The following NELL2 variants were observed in gnomAD, a reference collection of about 807,000 sequenced individuals.
NELL2 encodes the protein neural EGFL like 2.
A neutral mutation model predicts 109.6 loss-of-function variants in NELL2; 41 were observed. The observed-to-expected ratio is 0.37, with a 90% CI of 0.29 to 0.49. The LOEUF is 0.49. Ranked by LOEUF, NELL2 falls within the 20% of genes least tolerant of loss-of-function variation. The probability of loss-of-function intolerance (pLI) is 0.98; values close to 1 mark genes in which losing one functional copy is unlikely to be tolerated. For missense variants in NELL2, 900 were observed against 1,008.3 expected, an observed-to-expected ratio of 0.89 and a Z score of 1.45; for synonymous variants, 355 against 344.7, an observed-to-expected ratio of 1.03 and a Z score of -0.33.
chr12:44,735,842 C>T (rs1249730897), intron 9 of NELL2, among the ~76,000 whole-genome samples: 2 of 151,842 alleles, frequency 1.3e-5, no homozygotes, highest in Non-Finnish European at 2.9e-5. Context: ...AATAACTTAG[C>T]TTTTATGCAA....
chr12:44,622,229 A>G (rs1318862413), intron 13 of NELL2, among the ~76,000 whole-genome samples: 15 of 151,910 alleles, frequency 9.9e-5, no homozygotes, highest in Admixed American at 9.8e-4. Context: ...ATATTTAGAA[A>G]AGTATCTACA....
chr12:44,749,939 A>C (rs1486243677), intron 9 of NELL2, among the ~76,000 whole-genome samples: 1 of 152,102 alleles, frequency 6.6e-6, no homozygotes, highest in East Asian at 1.9e-4. Flanking sequence ...TATTACGAGC[A>C]GGAGAAGAAA....
upstream of NELL2, among the ~76,000 whole-genome samples, chr12:44,914,985 G>C (rs922089339): frequency 3.3e-5 from 5 of 151,832 alleles, no homozygotes; most frequent in African/African-American, 9.7e-5. Flanking sequence ...GAGTAGCTGG[G>C]ACTACAGGCA....
chr12:44,561,424 A>T lies in NELL2; in HGVS notation c.1664-28703T>A, dbSNP rs1032193945. Among the ~76,000 whole-genome samples, 102 of 152,160 alleles carry T rather than the reference A, an allele frequency of 6.7e-4. 2 individuals carry two copies. The highest frequency in any genetic ancestry group is 2.4e-4 in the Non-Finnish European group (16 of 68,030). On this transcript the variant is annotated intron_variant, in intron 15 of 19. Transcript: ENST00000429094. ...GCAGATGACATGATTTTATATTTTT[A>T]AAAACCCCATTGTCTCAGCCTCAAC... is the stretch of plus-strand genomic sequence containing the variant.
intron 9 of NELL2, among the ~76,000 whole-genome samples, chr12:44,771,661 T>G (rs1039094986): frequency 6.6e-6 from 1 of 152,230 alleles, no homozygotes; most frequent in African/African-American, 2.4e-5. Context: ...GGCAGGAAAT[T>G]AAGCCCCTCC....
At chr12:44,735,746 T>A (rs567480777) in intron 9 of NELL2, among the ~76,000 whole-genome samples, 1 of 152,280 alleles carries the variant, frequency 6.6e-6, no homozygotes. Context: ...TCCCTTGCTA[T>A]TATTTTTATC....
intron 3 of NELL2, among the ~76,000 whole-genome samples, chr12:44,806,796 G>A (rs1244468637): frequency 1.3e-5 from 2 of 151,790 alleles, no homozygotes; most frequent in African/African-American, 4.8e-5. Flanking sequence ...AATCATGTAT[G>A]TAAGTTTATT....
At chr12:44,846,528 C>A (rs1158951477) in intron 2 of NELL2, among the ~76,000 whole-genome samples, 2 of 152,208 alleles carry the variant, frequency 1.3e-5, no homozygotes, top group East Asian at 1.9e-4. Flanking sequence ...GTTGCTACTG[C>A]ACCCTATTGC....
intron 3 of NELL2, among the ~76,000 whole-genome samples, chr12:44,797,464 C>A (rs1197723298): frequency 6.6e-6 from 1 of 152,000 alleles, no homozygotes; most frequent in African/African-American, 2.4e-5. Context: ...CTACAAAGTC[C>A]ATTCATGGGC....
chr12:44,838,221 C>T (rs1010207298), intron 2 of NELL2, among the ~76,000 whole-genome samples: 1 of 151,964 alleles, frequency 6.6e-6, no homozygotes, highest in Non-Finnish European at 1.5e-5. Flanking sequence ...GTAATAAACC[C>T]CAATGAGAAA....
At chr12:44,805,612 GC>G (rs1942973877) in intron 3 of NELL2, among the ~76,000 whole-genome samples, 1 of 151,654 alleles carries the variant, frequency 6.6e-6, no homozygotes, top group South Asian at 2.1e-4. Context: ...TTTTTCTTAG[GC>G]AAGACTAAAG....
rs577240238 is a variant in NELL2, at chr12:44,815,900, G to C, written c.335+86C>G. The C allele has an allele frequency of 1.5e-4, 216 of 1,449,300 alleles. 1 individual carries two copies. In the African/African-American group the frequency reaches 2.8e-3, roughly 19 times the overall value. 89.8% of individuals were successfully genotyped at this position (1,449,300 alleles called of 1,614,324 possible). ...CCAAATCATAAAGAGATATACAAGA[G>C]AAGAAAGCTTTTGTTTACTTCTCTT... On this transcript the variant is annotated intron_variant, in intron 3 of 19. Coordinates refer to ENST00000429094, the MANE Select transcript of NELL2 (RefSeq NM_001145108.2).
intron 9 of NELL2, among the ~76,000 whole-genome samples, chr12:44,731,902 G>A (rs1013348565): frequency 2.6e-5 from 4 of 151,916 alleles, no homozygotes; most frequent in Admixed American, 6.6e-5. Context: ...ATCAACATAC[G>A]AAAATTGGTT....
chr12:44,808,479 GATAA>G (rs1943074772), intron 3 of NELL2, among the ~76,000 whole-genome samples: 1 of 151,880 alleles, frequency 6.6e-6, no homozygotes. Context: ...TTTTGTGAGA[GATAA>G]ATAATGATAT....
intron 3 of NELL2, among the ~76,000 whole-genome samples, chr12:44,803,681 T>G (rs1357603355): frequency 6.6e-6 from 1 of 152,018 alleles, no homozygotes; most frequent in African/African-American, 2.4e-5. Flanking sequence ...GGAGCATAAG[T>G]TGATATCCTT....
intron 1 of NELL2, among the ~76,000 whole-genome samples, chr12:44,895,161 C>G (rs971144618): frequency 6.6e-6 from 1 of 152,144 alleles, no homozygotes; most frequent in African/African-American, 2.4e-5. Flanking sequence ...CTCCTTCAGA[C>G]TTTCCTTTCA....
At chr12:44,813,345 G>T (rs982020961) in intron 3 of NELL2, among the ~76,000 whole-genome samples, 1 of 152,042 alleles carries the variant, frequency 6.6e-6, no homozygotes, top group African/African-American at 2.4e-5. Flanking sequence ...ATCATAGAAT[G>T]ATATACTATA....
intron 2 of NELL2, chr12:44,874,953 T>C (rs1332461593): frequency 3.2e-6 from 1 of 316,494 alleles, no homozygotes; most frequent in Non-Finnish European, 5.8e-6. Context: ...GATTCTAAAA[T>C]CAACCATCTG....
intron 12 of NELL2, among the ~76,000 whole-genome samples, chr12:44,697,082 A>G (rs1371327965): frequency 6.6e-6 from 1 of 152,218 alleles, no homozygotes; most frequent in Non-Finnish European, 1.5e-5. Flanking sequence ...AATAGTTGTA[A>G]ATAAGGGTTA....
Sources: allele counts gnomAD v4.1 joint callset (sites outside exome capture counted in the v4.1 genomes callset), GRCh38; gene constraint gnomAD v4.1.1; transcripts MANE v1.5; gene names NCBI Gene and HGNC (gene_info 2026-07-23, HGNC 2026-07-21).